EAF2: variants seen among roughly 807,000 people sequenced by gnomAD.
EAF2 encodes ELL-associated factor 2.
Under a neutral mutation model 29.4 loss-of-function variants are expected in EAF2, and 29 were observed. That is an observed-to-expected ratio of 0.99 (90% CI 0.73 to 1.35). The LOEUF is 1.35. EAF2 is among the 40% of genes most tolerant of loss of function. The pLI, the probability that EAF2 is intolerant of heterozygous loss-of-function variation, is 0.00. For synonymous variants in EAF2, 103 were observed against 102.5 expected, an observed-to-expected ratio of 1.00 and a Z score of -0.03; for missense variants, 292 against 312.0, an observed-to-expected ratio of 0.94 and a Z score of 0.48.
intron 5 of EAF2, among the ~76,000 whole-genome samples, chr3:121,883,785 A>T (rs151111832): frequency 6.6e-6 from 1 of 152,240 alleles, no homozygotes; most frequent in East Asian, 1.9e-4. Context: ...CTATGGGTAA[A>T]CTCTCTTTTT....
chr3:121,836,605 C>T (rs1708293964), intron 1 of EAF2: 2 of 982,084 alleles, frequency 2.0e-6, no homozygotes, highest in Admixed American at 1.2e-4. Flanking sequence ...TCAACAGTGT[C>T]CCTTGTTTAT....
At chr3:121,873,050 G>T in intron 5 of EAF2, 1 of 713,042 alleles carries the variant, frequency 1.4e-6, no homozygotes, top group Non-Finnish European at 2.5e-6. Flanking sequence ...ATTAAAGTTG[G>T]AGTTTCTCAA....
chr3:121,856,461 G>A (rs1271072207), intron 3 of EAF2, among the ~76,000 whole-genome samples: 1 of 151,882 alleles, frequency 6.6e-6, no homozygotes, highest in Non-Finnish European at 1.5e-5. Context: ...TTATAGGCAT[G>A]AGCCACTGCA....
intron 1 of EAF2, among the ~76,000 whole-genome samples, chr3:121,838,908 G>A (rs1192453496): frequency 1.3e-5 from 2 of 152,184 alleles, no homozygotes; most frequent in Admixed American, 6.5e-5. Context: ...TATATAATAT[G>A]AGGAGATAAA....
At chr3:121,866,127 G>A (rs1057503825) in intron 4 of EAF2, among the ~76,000 whole-genome samples, 1 of 152,080 alleles carries the variant, frequency 6.6e-6, no homozygotes, top group Non-Finnish European at 1.5e-5. Flanking sequence ...CTTTATCCCA[G>A]GCAAGAGACT....
chr3:121,884,598 T>G (rs1043252610), intron 5 of EAF2, among the ~76,000 whole-genome samples: 6 of 151,858 alleles, frequency 4.0e-5, no homozygotes, highest in Non-Finnish European at 7.4e-5. Flanking sequence ...CAGCTAATTT[T>G]GTATTTTTAG....
intron 1 of EAF2, among the ~76,000 whole-genome samples, chr3:121,840,524 G>A (rs1708398954): frequency 4.8e-5 from 4 of 83,686 alleles, no homozygotes; most frequent in East Asian, 2.9e-4. Flanking sequence ...AAAAAAAACG[G>A]GCCGGGTGCG....
intron 1 of EAF2, among the ~76,000 whole-genome samples, chr3:121,842,653 T>G (rs12496318): frequency 0.82 from 124,482 of 152,072 alleles, 51,374 homozygotes; most frequent in East Asian, 0.94. Flanking sequence ...TTGTTGTTTT[T>G]GTTCATATCT....
intron 2 of EAF2, among the ~76,000 whole-genome samples, chr3:121,850,894 G>T (rs1200429757): frequency 6.6e-6 from 1 of 151,636 alleles, no homozygotes; most frequent in Non-Finnish European, 1.5e-5. Context: ...AGAGTTGGGG[G>T]TTCACTATGT....
chr3:121,836,837 T>C (rs1178724488), intron 1 of EAF2: 1 of 963,772 alleles, frequency 1.0e-6, no homozygotes, highest in African/African-American at 1.8e-5. Flanking sequence ...TTACAAGGGC[T>C]TAAGATTATA....
chr3:121,843,502 A>T (rs1012592668), intron 1 of EAF2, among the ~76,000 whole-genome samples: 2 of 152,120 alleles, frequency 1.3e-5, no homozygotes, highest in African/African-American at 4.8e-5. Context: ...TGGTGGTTAC[A>T]TGTGTCACTG....
chr3:121,859,732 G>A (rs188154001), intron 4 of EAF2, among the ~76,000 whole-genome samples: 2 of 152,262 alleles, frequency 1.3e-5, no homozygotes, highest in African/African-American at 4.8e-5. Flanking sequence ...GTGAAAGAGG[G>A]CATCCCTGTC....
At chr3:121,841,542 A>G (rs1431364263) in intron 1 of EAF2, among the ~76,000 whole-genome samples, 2 of 23,992 alleles carry the variant, frequency 8.3e-5, no homozygotes, top group East Asian at 7.9e-4. Context: ...AAAAAAAAAA[A>G]AGAAAGAAAG....
chr3:121,874,580 A>G (rs1709065790), intron 5 of EAF2, among the ~76,000 whole-genome samples: 1 of 151,926 alleles, frequency 6.6e-6, no homozygotes, highest in African/African-American at 2.4e-5. Context: ...CACTACACTT[A>G]ACTTTCTTGT....
At chr3:121,839,091 A>G (rs1348332532) in intron 1 of EAF2, among the ~76,000 whole-genome samples, 2 of 152,256 alleles carry the variant, frequency 1.3e-5, no homozygotes, top group Admixed American at 6.5e-5. Flanking sequence ...AACAGAGGTT[A>G]TAGATTAATA....
chr3:121,883,789 T>G lies in EAF2; in HGVS notation c.737-2553T>G, dbSNP rs1022634221. Among the ~76,000 whole-genome samples the G allele has an allele frequency of 3.3e-5, 5 of 152,254 alleles. 1 individual carries two copies. Among genetic ancestry groups the G allele is most frequent in the African/African-American group, 1.2e-4 (5 of 41,468 alleles). On this transcript the variant is annotated intron_variant, in intron 5 of 5. Transcript: ENST00000273668. ...TGAATATATTTCTATGGGTAAACTC[T>G]CTTTTTCTGAGTCATAATTACAGCT...
intron 5 of EAF2, among the ~76,000 whole-genome samples, chr3:121,885,628 G>A (rs1239538614): frequency 6.6e-6 from 1 of 152,086 alleles, no homozygotes; most frequent in Non-Finnish European, 1.5e-5. Context: ...CTGCCTTGGG[G>A]CATTTGCACT....
chr3:121,836,550 C>T (rs1412753352), intron 1 of EAF2: 28 of 808,800 alleles, frequency 3.5e-5, no homozygotes, highest in Non-Finnish European at 4.0e-5. Context: ...AATTAACATC[C>T]AATTGGTAGA....
chr3:121,855,245 A>G (rs1433763567), intron 3 of EAF2, among the ~76,000 whole-genome samples: 1 of 152,208 alleles, frequency 6.6e-6, no homozygotes, highest in Admixed American at 6.5e-5. Flanking sequence ...TCAGATAAAC[A>G]GACTATTCCA....
Sources: allele counts gnomAD v4.1 joint callset (sites outside exome capture counted in the v4.1 genomes callset), GRCh38; gene constraint gnomAD v4.1.1; transcripts MANE v1.5; gene names NCBI Gene and HGNC (gene_info 2026-07-23, HGNC 2026-07-21).